The following SHANK2 variants were observed in gnomAD, a reference collection of about 807,000 sequenced individuals.
SHANK2 encodes the protein SH3 and multiple ankyrin repeat domains 2, also known as SH3 and multiple ankyrin repeat domains protein 2.
Under a neutral mutation model 133.7 loss-of-function variants are expected in SHANK2, and 43 were observed. The observed-to-expected ratio is 0.32, with a 90% CI of 0.25 to 0.41. SHANK2 has a LOEUF of 0.41. Ranked by LOEUF, SHANK2 falls within the 10% of genes least tolerant of loss-of-function variation. The pLI, the probability that SHANK2 is intolerant of heterozygous loss-of-function variation, is 1.00. For missense variants in SHANK2, 1,994 were observed against 2,235.8 expected, an observed-to-expected ratio of 0.89 and a Z score of 2.18; for synonymous variants, 1,017 against 952.8, an observed-to-expected ratio of 1.07 and a Z score of -1.24.
intron 14 of SHANK2, among the ~76,000 whole-genome samples, chr11:70,759,359 C>T (rs1040759899): frequency 6.6e-6 from 1 of 151,914 alleles, no homozygotes; most frequent in African/African-American, 2.4e-5. Context: ...GTGGCAGGTG[C>T]CTGTAATTTC....
intron 8 of SHANK2, among the ~76,000 whole-genome samples, chr11:71,085,531 T>G (rs1425755081): frequency 9.2e-6 from 1 of 109,210 alleles, no homozygotes; most frequent in Admixed American, 1.5e-4. Flanking sequence ...CTATATATTA[T>G]ATTATATAAA....
At chr11:71,191,900 G>A (rs782381033) in intron 2 of SHANK2, among the ~76,000 whole-genome samples, 10 of 151,268 alleles carry the variant, frequency 6.6e-5, no homozygotes, top group Non-Finnish European at 1.0e-4. Context: ...TCGCTCTGTC[G>A]CCCAGGCTGG....
At chr11:70,550,686 C>A (rs962701919) in intron 17 of SHANK2, among the ~76,000 whole-genome samples, 1 of 152,172 alleles carries the variant, frequency 6.6e-6, no homozygotes, top group African/African-American at 2.4e-5. Context: ...GAAGGAGAAC[C>A]CTGGGGAGGG....
At chr11:70,541,921 A>C (rs1289190904) in intron 17 of SHANK2, among the ~76,000 whole-genome samples, 1 of 152,232 alleles carries the variant, frequency 6.6e-6, no homozygotes, top group Non-Finnish European at 1.5e-5. Context: ...GGCACAGAGC[A>C]GGACCCATGC....
At chr11:70,871,303 G>C (rs966103514) in intron 11 of SHANK2, among the ~76,000 whole-genome samples, 1 of 152,208 alleles carries the variant, frequency 6.6e-6, no homozygotes, top group Non-Finnish European at 1.5e-5. Flanking sequence ...TGAGTCTGAG[G>C]GTCCAAGAGG....
chr11:70,487,128 G>A lies in SHANK2; in HGVS notation c.3165C>T (p.Ile1055=), dbSNP rs782472320. 9 of 1,612,036 alleles carry A rather than the reference G, an allele frequency of 5.6e-6. No individual in the cohort carries two copies. Among genetic ancestry groups the A allele is most frequent in the Non-Finnish European group, 6.8e-6 (8 of 1,180,014 alleles). Residue 1055 remains isoleucine, a synonymous_variant, in exon 25 of 26, where the codon ATC becomes ATT. Transcript: ENST00000601538. The surrounding 1 kb of genome is among the most constrained non-coding windows in gnomAD (Gnocchi z 5.8). ...TCGGTGGCTCCGGGGCCTGGGGGTCGATCTCCATGCTGCTGCCCTGGCTGC... is the reference window on the plus strand; with the variant it reads ...TCGGTGGCTCCGGGGCCTGGGGGTCAATCTCCATGCTGCTGCCCTGGCTGC... ...GKSSQGSSME[I]DPQAPEPPSQ...
chr11:71,135,527 C>A (rs182535814), intron 3 of SHANK2, among the ~76,000 whole-genome samples: 1 of 147,524 alleles, frequency 6.8e-6, no homozygotes, highest in Admixed American at 6.8e-5. Flanking sequence ...ACTTTTGTCA[C>A]CCAGGCTGGA....
At chr11:70,790,982 G>C (rs1453472165) in intron 14 of SHANK2, among the ~76,000 whole-genome samples, 4 of 152,176 alleles carry the variant, frequency 2.6e-5, no homozygotes, top group African/African-American at 7.2e-5. Context: ...GAAGGGCCTG[G>C]ACTGCTTGGT....
intron 2 of SHANK2, among the ~76,000 whole-genome samples, chr11:71,147,925 G>A (rs1400154227): frequency 1.3e-5 from 2 of 152,206 alleles, no homozygotes; most frequent in African/African-American, 4.8e-5. Context: ...GACTGGAGTG[G>A]AACCAAGAGT....
intron 2 of SHANK2, among the ~76,000 whole-genome samples, chr11:71,155,780 T>C (rs1555109016): frequency 6.8e-6 from 1 of 146,082 alleles, no homozygotes; most frequent in East Asian, 2.2e-4. Flanking sequence ...GTCAGGGCTG[T>C]GCCATCTGCC....
chr11:71,139,153 G>A (rs541919975), intron 3 of SHANK2, among the ~76,000 whole-genome samples: 92 of 152,316 alleles, frequency 6.0e-4, no homozygotes, highest in African/African-American at 2.0e-3. Context: ...TTCCCTGAGC[G>A]TCTGCTGGGA....
At chr11:71,096,754 C>T (rs1206018549) in intron 6 of SHANK2, among the ~76,000 whole-genome samples, 1 of 151,996 alleles carries the variant, frequency 6.6e-6, no homozygotes, top group South Asian at 2.1e-4. Flanking sequence ...TCCCTTTTGC[C>T]CAATGCAAAA....
intron 1 of SHANK2, among the ~76,000 whole-genome samples, chr11:71,229,765 G>GAAAAAAAAAAAAAAAAAAAA (rs55730780): frequency 1.0e-4 from 12 of 116,532 alleles, no homozygotes; most frequent in East Asian, 2.4e-4. Flanking sequence ...TCTCAAAAAA[G>GAAAAAAAAAAAAAAAAAAAA]AAAAAAAAAA....
chr11:70,621,994 C>T (rs150141112), intron 17 of SHANK2, among the ~76,000 whole-genome samples: 1 of 152,224 alleles, frequency 6.6e-6, no homozygotes, highest in East Asian at 1.9e-4. Flanking sequence ...CCACACGGTG[C>T]CGGGAGGTTC....
At chr11:70,565,223 C>CCATT (rs142364226) in intron 17 of SHANK2, among the ~76,000 whole-genome samples, 121 of 151,566 alleles carry the variant, frequency 8.0e-4, no homozygotes, top group Non-Finnish European at 1.5e-3. Context: ...TTTCATCCAT[C>CCATT]CATCCATCCA....
At chr11:70,947,737 C>T (rs912818689) in intron 10 of SHANK2, among the ~76,000 whole-genome samples, 1 of 152,160 alleles carries the variant, frequency 6.6e-6, no homozygotes, top group African/African-American at 2.4e-5. Flanking sequence ...CTGGACTGGA[C>T]AGGGAGCTCT....
chr11:70,674,273 C>T (rs1399720761), intron 15 of SHANK2, among the ~76,000 whole-genome samples: 1 of 152,212 alleles, frequency 6.6e-6, no homozygotes, highest in Non-Finnish European at 1.5e-5. Flanking sequence ...TTATCAATTA[C>T]CCAGGCTCAG....
At chr11:71,244,015 T>C (rs1191466306) in intron 1 of SHANK2, among the ~76,000 whole-genome samples, 1 of 152,244 alleles carries the variant, frequency 6.6e-6, no homozygotes, top group Non-Finnish European at 1.5e-5. Flanking sequence ...AGTCATCTTA[T>C]GAGGCCAGTA....
At chr11:70,595,958 A>G (rs1344880429) in intron 17 of SHANK2, among the ~76,000 whole-genome samples, 1 of 152,222 alleles carries the variant, frequency 6.6e-6, no homozygotes, top group Non-Finnish European at 1.5e-5. Flanking sequence ...TCGCAAACAC[A>G]GAGGAGAACA....
Sources: gnomAD v4.1 joint callset for allele counts (sites outside exome capture counted in the v4.1 genomes callset) on GRCh38, gnomAD v4.1.1 for gene constraint, Gnocchi (gnomAD v3.1) non-coding constraint, MANE v1.5 for transcripts, NCBI Gene and HGNC (gene_info 2026-07-23, HGNC 2026-07-21) for gene names.